The following POLA1 variants were observed in gnomAD, a reference collection of about 807,000 sequenced individuals.
The protein encoded by POLA1 is DNA polymerase alpha catalytic subunit.
A neutral mutation model predicts 124.0 loss-of-function variants in POLA1; 15 were observed. The observed-to-expected ratio is 0.12, with a 90% confidence interval of 0.08 to 0.19. The LOEUF is 0.19. Ranked by LOEUF, POLA1 falls within the 10% of genes least tolerant of loss-of-function variation. The pLI is 1.00. For missense variants in POLA1, 886 were observed against 1,103.4 expected, an observed-to-expected ratio of 0.80 and a Z score of 2.79; for synonymous variants, 408 against 389.4, an observed-to-expected ratio of 1.05 and a Z score of -0.56.
chrX:24,802,123 A>G (rs779742833), intron 26 of POLA1, among the ~76,000 whole-genome samples: 1 of 110,700 alleles, frequency 9.0e-6, no homozygotes, highest in Admixed American at 9.6e-5. Flanking sequence ...AGGGCCATCA[A>G]CTGATTTGAT....
intron 26 of POLA1, among the ~76,000 whole-genome samples, chrX:24,767,349 A>C (rs760927354): frequency 8.9e-6 from 1 of 111,807 alleles, no homozygotes; most frequent in Non-Finnish European, 1.9e-5. Flanking sequence ...AGTGTGGCAC[A>C]TTTGACTGCC....
At chrX:24,706,629 TA>T (rs1006595937) in intron 4 of POLA1, among the ~76,000 whole-genome samples, 3 of 112,468 alleles carry the variant, frequency 2.7e-5, no homozygotes, top group Admixed American at 1.9e-4. Flanking sequence ...CCTTGTCTTC[TA>T]AAATACACAC....
chrX:24,905,023 CAAAA>C (rs59707195), intron 35 of POLA1, among the ~76,000 whole-genome samples: 2 of 43,945 alleles, frequency 4.6e-5, no homozygotes, highest in Admixed American at 3.0e-4. Flanking sequence ...GACTCTGTCT[CAAAA>C]AAAAAAAAAA....
chrX:24,725,399 T>G (rs1035393226), intron 12 of POLA1, among the ~76,000 whole-genome samples: 10 of 110,362 alleles, frequency 9.1e-5, no homozygotes, highest in Non-Finnish European at 1.7e-4. Context: ...AGTTTCACCA[T>G]GTTGGCCAGG....
intron 24 of POLA1, among the ~76,000 whole-genome samples, chrX:24,745,982 T>C (rs11573368): frequency 0.018 from 2,066 of 111,986 alleles, 50 homozygotes; most frequent in African/African-American, 0.062. Flanking sequence ...CTGAATAATA[T>C]TCCATTTTAT....
chrX:24,902,232 G>A (rs2047291466), intron 35 of POLA1, among the ~76,000 whole-genome samples: 1 of 112,262 alleles, frequency 8.9e-6, no homozygotes, highest in South Asian at 3.7e-4. Flanking sequence ...CATAGAAAAG[G>A]TGAGATGTAA....
At chrX:24,938,921 G>C (rs956774551) in intron 36 of POLA1, among the ~76,000 whole-genome samples, 1 of 112,513 alleles carries the variant, frequency 8.9e-6, no homozygotes, top group Non-Finnish European at 1.9e-5. Context: ...AGCTAAGTTA[G>C]TATATGAAAG....
chrX:24,816,887 C>T (rs752146365), intron 30 of POLA1, among the ~76,000 whole-genome samples: 2 of 112,092 alleles, frequency 1.8e-5, no homozygotes, highest in Non-Finnish European at 3.8e-5. Flanking sequence ...CATAGGTATA[C>T]TGACAGTGTC....
intron 26 of POLA1, among the ~76,000 whole-genome samples, chrX:24,786,554 G>A (rs368226482): frequency 9.2e-5 from 10 of 108,466 alleles, no homozygotes; most frequent in Non-Finnish European, 1.7e-4. Context: ...TGTTTCCTAG[G>A]CTGGAGTCCA....
intron 18 of POLA1, 127 bp downstream of exon 18, chrX:24,735,615 G>A: frequency 2.4e-6 from 1 of 412,668 alleles, no homozygotes; most frequent in Non-Finnish European, 4.2e-6. Flanking sequence ...GGACTGGTGG[G>A]AATTGCTGCT....
intron 26 of POLA1, among the ~76,000 whole-genome samples, chrX:24,754,251 CTT>C (rs750683205): frequency 1.0e-5 from 1 of 99,360 alleles, no homozygotes; most frequent in African/African-American, 3.7e-5. Flanking sequence ...TTCTTTCTTT[CTT>C]TTTTTTTTTG....
chrX:24,884,273 C>G (rs745861933), intron 34 of POLA1, among the ~76,000 whole-genome samples: 1 of 111,013 alleles, frequency 9.0e-6, no homozygotes, highest in Non-Finnish European at 1.9e-5. Context: ...CTCAGCCTCC[C>G]GAGTAACTGT....
At chrX:24,795,662 A>ATTT (rs35044901) in intron 26 of POLA1, among the ~76,000 whole-genome samples, 1 of 94,150 alleles carries the variant, frequency 1.1e-5, no homozygotes, top group African/African-American at 3.9e-5. Flanking sequence ...AGAAAGAAAG[A>ATTT]TTTTTTTTTT....
chrX:24,905,329 T>G (rs1158942419), intron 35 of POLA1, among the ~76,000 whole-genome samples: 7 of 102,389 alleles, frequency 6.8e-5, no homozygotes, highest in Non-Finnish European at 1.4e-4. Flanking sequence ...CTGAGACTCA[T>G]ACTATTCAAA....
intron 34 of POLA1, among the ~76,000 whole-genome samples, chrX:24,863,053 A>AT (rs1444115089): frequency 1.8e-5 from 2 of 112,311 alleles, no homozygotes; most frequent in African/African-American, 6.5e-5. Context: ...GTCTAAAAAA[A>AT]CAAAAACATT....
intron 36 of POLA1, among the ~76,000 whole-genome samples, chrX:24,934,925 G>A (rs1188802085): frequency 9.0e-6 from 1 of 111,659 alleles, no homozygotes; most frequent in African/African-American, 3.3e-5. Flanking sequence ...GTTTCACCAT[G>A]TTGGTCAGGT....
intron 21 of POLA1, 87 bp downstream of exon 21, chrX:24,741,591 A>C: frequency 1.3e-6 from 1 of 770,570 alleles, no homozygotes. Flanking sequence ...AATGAGTCTA[A>C]ATGCATGCTT....
intron 36 of POLA1, among the ~76,000 whole-genome samples, chrX:24,947,634 G>T (rs2047983872): frequency 9.0e-6 from 1 of 111,155 alleles, no homozygotes; most frequent in Admixed American, 9.6e-5. Context: ...TATTTGGTTG[G>T]CTAGCCTTTA....
intron 36 of POLA1, among the ~76,000 whole-genome samples, chrX:24,947,314 C>G (rs745471351): frequency 1.3e-5 from 1 of 77,747 alleles, no homozygotes; most frequent in Non-Finnish European, 2.2e-5. Context: ...GTTGCCCAGG[C>G]TAGAGTGCAT....
Sources: allele counts gnomAD v4.1 joint callset (sites outside exome capture counted in the v4.1 genomes callset), GRCh38; gene constraint gnomAD v4.1.1; transcripts MANE v1.5; gene names NCBI Gene and HGNC (gene_info 2026-07-23, HGNC 2026-07-21).